The following SORCS1 variants were observed in gnomAD, a reference collection of about 807,000 sequenced individuals.
SORCS1 encodes the protein sortilin related VPS10 domain containing receptor 1, also known as VPS10 domain-containing receptor SorCS1.
Under a neutral mutation model 146.1 loss-of-function variants are expected in SORCS1, and 60 were observed. The observed-to-expected ratio is 0.41, with a 90% CI of 0.33 to 0.51. The LOEUF (loss-of-function observed/expected upper bound fraction) is 0.51. Among genes scored for constraint, SORCS1 ranks in the 20% least tolerant of loss-of-function variants. The pLI, the probability that SORCS1 is intolerant of heterozygous loss-of-function variation, is 0.21. For missense variants in SORCS1, 1,352 were observed against 1,487.6 expected (o/e 0.91, Z 1.50); for synonymous variants, 637 against 584.0 (o/e 1.09, Z -1.31).
chr10:106,953,693 G>A (rs1355977598), intron 2 of SORCS1, among the ~76,000 whole-genome samples: 1 of 152,124 alleles, frequency 6.6e-6, no homozygotes, highest in Non-Finnish European at 1.5e-5. Context: ...TTCCAAGACT[G>A]CAAATCCATA....
At chr10:106,686,400 T>C (rs997708900) in intron 10 of SORCS1, among the ~76,000 whole-genome samples, 3 of 152,192 alleles carry the variant, frequency 2.0e-5, no homozygotes, top group African/African-American at 7.2e-5. Context: ...GGCAAGCCCA[T>C]TTAGGTGACA....
At chr10:106,880,376 C>A (rs1182525704) in intron 2 of SORCS1, among the ~76,000 whole-genome samples, 1 of 152,138 alleles carries the variant, frequency 6.6e-6, no homozygotes, top group Non-Finnish European at 1.5e-5. Context: ...TACCTATGAA[C>A]ATATTTAGGA....
chr10:106,894,952 T>A (rs1382451295), intron 2 of SORCS1, among the ~76,000 whole-genome samples: 5 of 152,284 alleles, frequency 3.3e-5, no homozygotes, highest in African/African-American at 1.2e-4. Context: ...TACATGAGTA[T>A]TTTTTTGTAA....
intron 2 of SORCS1, among the ~76,000 whole-genome samples, chr10:106,833,127 T>C (rs891078247): frequency 5.9e-5 from 9 of 152,192 alleles, no homozygotes; most frequent in Non-Finnish European, 1.3e-4. Context: ...GCTTACACTA[T>C]ATTATTGGAC....
chr10:106,985,158 G>A (rs1477313116), intron 1 of SORCS1, among the ~76,000 whole-genome samples: 3 of 152,084 alleles, frequency 2.0e-5, no homozygotes, highest in Non-Finnish European at 4.4e-5. Flanking sequence ...CTGCACTCCA[G>A]CCAGGGCAAC....
At chr10:106,577,701 A>G in intron 25 of SORCS1, 146 bp from the exon 26 acceptor site, 1 of 1,427,022 alleles carries the variant, frequency 7.0e-7, no homozygotes, top group Non-Finnish European at 9.2e-7. Context: ...TTCATACCCT[A>G]CGGAAATGCG....
the SORCS1 span, among the ~76,000 whole-genome samples, chr10:107,172,468 G>A: frequency 6.6e-6 from 1 of 152,178 alleles, no homozygotes; most frequent in Admixed American, 6.5e-5. Context: ...TATGTAAACA[G>A]TATCTCTTTT....
chr10:106,582,273 T>C (rs1844967857), intron 24 of SORCS1, among the ~76,000 whole-genome samples: 1 of 152,216 alleles, frequency 6.6e-6, no homozygotes, highest in Non-Finnish European at 1.5e-5. Flanking sequence ...GCATTAACAC[T>C]GTTAAGTAAT....
intron 3 of SORCS1, among the ~76,000 whole-genome samples, chr10:106,821,684 G>A (rs1948032732): frequency 1.3e-5 from 2 of 152,178 alleles, no homozygotes; most frequent in Admixed American, 1.3e-4. Flanking sequence ...CACTTTGGGA[G>A]GCCGAGGCGG....
intron 1 of SORCS1, among the ~76,000 whole-genome samples, chr10:107,150,786 C>T (rs766155048): frequency 2.6e-5 from 4 of 152,152 alleles, no homozygotes; most frequent in African/African-American, 7.2e-5. Context: ...GGCTTTTCCC[C>T]GTCTTCACTC....
intron 22 of SORCS1, 103 bp from the exon 23 acceptor site, chr10:106,607,400 A>G: frequency 6.8e-7 from 1 of 1,459,902 alleles, no homozygotes; most frequent in East Asian, 2.4e-5. Flanking sequence ...AAGACACCAC[A>G]AGGGGCCTGA....
intron 1 of SORCS1, among the ~76,000 whole-genome samples, chr10:107,124,854 G>T (rs1778013055): frequency 6.6e-6 from 1 of 152,024 alleles, no homozygotes; most frequent in South Asian, 2.1e-4. Flanking sequence ...GATCAAGGAA[G>T]TGTCAGCCTT....
intron 16 of SORCS1, among the ~76,000 whole-genome samples, chr10:106,668,047 A>T (rs1293177627): frequency 6.6e-6 from 1 of 152,240 alleles, no homozygotes; most frequent in Non-Finnish European, 1.5e-5. Context: ...TTCCATTTAA[A>T]CACTCTCAAG....
rs1409795748 is a variant in SORCS1, at chr10:107,065,496, TCCTCTCCTCTC to T, written c.558+98462_558+98472del. Among the ~76,000 whole-genome samples, 681 of 83,248 alleles carry T rather than the reference TCCTCTCCTCTC, an allele frequency of 8.2e-3. 27 individuals are homozygous for T. The highest frequency in any genetic ancestry group is 0.033 in the African/African-American group (612 of 18,658). The allele number at this position is 83,248 out of a possible 152,430, so 54.6% of individuals were successfully genotyped here. A position where few individuals can be genotyped will look rare whatever the true frequency, so the allele number is the denominator to read the frequency against. ...TCCTCTCCTCTCCTCTCCTCTCCTCTCCTCTCCTCTCCTCTCTTTCTTTCTTTCTTTCTTTC... is the reference window on the plus strand; with the variant it reads ...TCCTCTCCTCTCCTCTCCTCTCCTCTCTCTCTTTCTTTCTTTCTTTCTTTC... On this transcript the variant is annotated intron_variant, in intron 1 of 25. Transcript: ENST00000263054.
chr10:106,709,166 C>T (rs563845449), intron 7 of SORCS1, 57 bp downstream of exon 7: 2 of 1,382,630 alleles, frequency 1.4e-6, no homozygotes, highest in Non-Finnish European at 2.1e-6. Flanking sequence ...GCAAAAGGGA[C>T]AGAAACAAGG....
intron 1 of SORCS1, among the ~76,000 whole-genome samples, chr10:107,158,643 T>C (rs913889170): frequency 1.1e-4 from 16 of 152,166 alleles, no homozygotes; most frequent in African/African-American, 3.9e-4. Context: ...CGAGAGCTCA[T>C]TGAGGGCAGG....
intron 4 of SORCS1, among the ~76,000 whole-genome samples, chr10:106,763,293 C>T (rs957377654): frequency 1.3e-5 from 2 of 152,088 alleles, no homozygotes; most frequent in Non-Finnish European, 2.9e-5. Context: ...TGGGCGCCAG[C>T]GTTTGTGGTT....
chr10:106,953,918 C>A (rs1291491046), intron 2 of SORCS1, among the ~76,000 whole-genome samples: 1 of 152,212 alleles, frequency 6.6e-6, no homozygotes, highest in East Asian at 1.9e-4. Flanking sequence ...GCCAGCAGGT[C>A]ATTCGCGCCA....
chr10:106,853,962 T>C (rs1324579479), intron 2 of SORCS1, among the ~76,000 whole-genome samples: 1 of 152,058 alleles, frequency 6.6e-6, no homozygotes, highest in African/African-American at 2.4e-5. Context: ...GATATCAATT[T>C]TACCCTGTTG....
Sources: gnomAD v4.1 joint callset for allele counts (sites outside exome capture counted in the v4.1 genomes callset) on GRCh38, gnomAD v4.1.1 for gene constraint, MANE v1.5 for transcripts, NCBI Gene and HGNC (gene_info 2026-07-23, HGNC 2026-07-21) for gene names.